Variants in DLC1 observed in about 807,000 individuals in gnomAD.
DLC1 encodes the protein rho GTPase-activating protein 7.
In DLC1, 54 loss-of-function variants were observed where a neutral mutation model predicts 140.3. The ratio of observed to expected loss-of-function variants is 0.38; its 90% CI spans 0.31 to 0.48. DLC1 has a LOEUF of 0.48. Among genes scored for constraint, DLC1 ranks in the 20% least tolerant of loss-of-function variants. The pLI is 0.96. For missense variants in DLC1, 2,536 were observed against 1,907.0 expected, an observed-to-expected ratio of 1.33 and a Z score of -6.14; for synonymous variants, 986 against 728.1, an observed-to-expected ratio of 1.35 and a Z score of -5.70.
At chr8:13,431,755 A>T (rs1475390307) in intron 2 of DLC1, among the ~76,000 whole-genome samples, 1 of 152,044 alleles carries the variant, frequency 6.6e-6, no homozygotes, top group African/African-American at 2.4e-5. Context: ...ACCTATCTGT[A>T]GGGCTTGGGA....
chr8:13,144,449 C>T (rs1823266468), intron 5 of DLC1, among the ~76,000 whole-genome samples: 1 of 152,202 alleles, frequency 6.6e-6, no homozygotes, highest in Non-Finnish European at 1.5e-5. Flanking sequence ...CCTCCGTAAT[C>T]ACGTGAGACA....
rs1418922822 is a variant in DLC1, at chr8:13,394,467, A to T, written c.1174-774T>A. Among the ~76,000 whole-genome samples the T allele has an allele frequency of 2.0e-5, 3 of 150,728 alleles. No individual in the cohort carries two copies. The East Asian group carries it at 5.8e-4, about 29-fold the overall frequency. ...ACATGTCTGTTGAGTGGATAGAATT[A>T]CCTGGTAACCTCTGCAAAGGCTGCG... On this transcript the variant is annotated intron_variant, in intron 3 of 17. Transcript: ENST00000276297.
At chr8:13,418,711 C>T (rs1202091061) in intron 2 of DLC1, among the ~76,000 whole-genome samples, 1 of 151,938 alleles carries the variant, frequency 6.6e-6, no homozygotes, top group Non-Finnish European at 1.5e-5. Flanking sequence ...TTTTTTGGTT[C>T]CATATGAACT....
At chr8:13,250,560 T>C (rs929010510) in intron 5 of DLC1, among the ~76,000 whole-genome samples, 3 of 152,216 alleles carry the variant, frequency 2.0e-5, no homozygotes, top group Admixed American at 1.3e-4. Flanking sequence ...CATAGTTTCA[T>C]AAGACTGAGG....
intron 2 of DLC1, among the ~76,000 whole-genome samples, chr8:13,438,716 A>G (rs559648346): frequency 3.3e-5 from 5 of 152,140 alleles, no homozygotes; most frequent in South Asian, 2.1e-4. Context: ...CACTTCCCCA[A>G]TTTTTTGAGT....
intron 2 of DLC1, among the ~76,000 whole-genome samples, chr8:13,432,899 G>T (rs983840877): frequency 1.3e-5 from 2 of 150,944 alleles, no homozygotes; most frequent in African/African-American, 2.4e-5. Flanking sequence ...CTCTACTGCT[G>T]GGGAATTGTG....
Position 13,162,130 on chromosome 8 carries a change from C to T in DLC1, c.1349-46473G>A, listed in dbSNP as rs796824260. On this transcript the variant is annotated intron_variant, in intron 5 of 17. Transcript: ENST00000276297. ...AAACCACTGCTATATAGAGTGGCTG[C>T]CTCAATGTATAGCCACTGCTCTTGG... Among the ~76,000 whole-genome samples the T allele has an allele frequency of 6.6e-5, 10 of 152,264 alleles. 1 individual carries two copies. The highest frequency in any genetic ancestry group is 2.2e-4 in the African/African-American group (9 of 41,562).
At chr8:13,582,502 A>G (rs1471794233) in intron 1 of DLC1, among the ~76,000 whole-genome samples, 4 of 152,034 alleles carry the variant, frequency 2.6e-5, no homozygotes, top group Non-Finnish European at 5.9e-5. Flanking sequence ...AAAATGTGAA[A>G]AGGTTAGACT....
chr8:13,411,596 A>G (rs562492967), intron 2 of DLC1, among the ~76,000 whole-genome samples: 10 of 152,272 alleles, frequency 6.6e-5, no homozygotes, highest in African/African-American at 2.4e-4. Context: ...CAAATGTACT[A>G]CTTTGGTGCT....
intron 2 of DLC1, among the ~76,000 whole-genome samples, chr8:13,405,433 T>G (rs1837481736): frequency 6.6e-6 from 1 of 152,250 alleles, no homozygotes; most frequent in Admixed American, 6.5e-5. Flanking sequence ...ATATGTCATT[T>G]GGACACTTCA....
At chr8:13,424,402 T>A (rs1322011895) in intron 2 of DLC1, among the ~76,000 whole-genome samples, 1 of 151,876 alleles carries the variant, frequency 6.6e-6, no homozygotes, top group African/African-American at 2.4e-5. Context: ...GACAGGAGAA[T>A]TCCTTGAACC....
upstream of DLC1, chr8:13,515,012 T>C (rs1389413355): frequency 5.2e-6 from 1 of 191,612 alleles, no homozygotes; most frequent in Non-Finnish European, 1.1e-5. Flanking sequence ...TACACAGAAC[T>C]CAAGTGAGTT....
At chr8:13,439,509 G>A (rs1839266145) in intron 2 of DLC1, among the ~76,000 whole-genome samples, 1 of 151,186 alleles carries the variant, frequency 6.6e-6, no homozygotes, top group African/African-American at 2.4e-5. Flanking sequence ...TAATGAATAA[G>A]GTACCAAGTA....
intron 6 of DLC1, among the ~76,000 whole-genome samples, chr8:13,114,348 C>T (rs774243358): frequency 3.3e-5 from 5 of 152,164 alleles, no homozygotes; most frequent in Non-Finnish European, 5.9e-5. Context: ...GGCGACAGAG[C>T]GAGACTCCGT....
Position 13,094,777 on chromosome 8 carries a change from A to G in DLC1, c.3508T>C (p.Phe1170Leu). The G allele has an allele frequency of 1.9e-6, 3 of 1,614,224 alleles. No homozygotes were observed. Among genetic ancestry groups the G allele is most frequent in the Non-Finnish European group, 2.5e-6 (3 of 1,180,036 alleles). ...CACTCACATTGGTAGATCTGTAGAA[A>G]GGTTTCCGAGAGTTTGTTCGTCATT... ...PLMTNKLSET[F>L]LQIYQYVPKD... The change falls in exon 12 of 18, where the codon TTT (phenylalanine) becomes CTT (leucine). Residue 1170 changes from phenylalanine to leucine, a missense_variant. By Grantham distance (22) the Phe-to-Leu change is conservative (BLOSUM62 0). Transcript: ENST00000276297.
chr8:13,468,665 A>T (rs1004604469), intron 2 of DLC1, among the ~76,000 whole-genome samples: 38 of 151,506 alleles, frequency 2.5e-4, no homozygotes, highest in Non-Finnish European at 3.5e-4. Flanking sequence ...GTGCATCAGC[A>T]TGTCAGGCTG....
chr8:13,511,664 A>G (rs1802372006), intron 1 of DLC1, among the ~76,000 whole-genome samples: 1 of 151,976 alleles, frequency 6.6e-6, no homozygotes, highest in Non-Finnish European at 1.5e-5. Context: ...TATTCACACT[A>G]CTTCCCTCAA....
At chr8:13,326,250 T>G (rs1563255273) in intron 4 of DLC1, among the ~76,000 whole-genome samples, 1 of 152,156 alleles carries the variant, frequency 6.6e-6, no homozygotes, top group Admixed American at 6.5e-5. Flanking sequence ...CAAATTTCAC[T>G]AAATATTCAA....
At chr8:13,139,066 C>G (rs1300687650) in intron 5 of DLC1, among the ~76,000 whole-genome samples, 1 of 151,884 alleles carries the variant, frequency 6.6e-6, no homozygotes, top group Non-Finnish European at 1.5e-5. Context: ...GGGAAAATCA[C>G]AAGCCCACGA....
Sources: gnomAD v4.1 joint callset for allele counts (sites outside exome capture counted in the v4.1 genomes callset) on GRCh38, gnomAD v4.1.1 for gene constraint, MANE v1.5 for transcripts, NCBI Gene and HGNC (gene_info 2026-07-23, HGNC 2026-07-21) for gene names.